HACD3: variants seen among roughly 807,000 people sequenced by gnomAD.
The protein encoded by HACD3 is 3-hydroxyacyl-CoA dehydratase 3.
A neutral mutation model predicts 55.2 loss-of-function variants in HACD3; 30 were observed. That is an observed-to-expected ratio of 0.54 (90% CI 0.41 to 0.74). HACD3 has a LOEUF of 0.74. Ranked by LOEUF, HACD3 falls within the 30% of genes least tolerant of loss-of-function variation. The pLI is 0.00. For synonymous variants in HACD3, 141 were observed against 151.7 expected (o/e 0.93, Z 0.52); for missense variants, 363 against 440.1 (o/e 0.82, Z 1.57).
At chr15:65,533,281 A>G (rs1339984239) in intron 1 of HACD3, among the ~76,000 whole-genome samples, 2 of 152,140 alleles carry the variant, frequency 1.3e-5, no homozygotes, top group African/African-American at 4.8e-5. Flanking sequence ...GGTGTTGGTG[A>G]TTAGGGGAGG....
chr15:65,569,333 T>C (rs1366243326), intron 7 of HACD3, among the ~76,000 whole-genome samples: 3 of 151,294 alleles, frequency 2.0e-5, no homozygotes, highest in South Asian at 2.1e-4. Context: ...ATGATACATA[T>C]AGAATGATTT....
chr15:65,537,924 C>A (rs2071971790), intron 1 of HACD3, among the ~76,000 whole-genome samples: 1 of 121,100 alleles, frequency 8.3e-6, no homozygotes, highest in African/African-American at 3.2e-5. Context: ...CTGTTGAGGC[C>A]AACTTCTCAG....
chr15:65,570,279 T>C (rs761882837), intron 8 of HACD3, 76 bp downstream of exon 8: 11 of 1,088,318 alleles, frequency 1.0e-5, no homozygotes, highest in Non-Finnish European at 1.5e-5. Context: ...GGAGTTGTTA[T>C]CTTAGCCAGA....
intron 1 of HACD3, among the ~76,000 whole-genome samples, chr15:65,542,162 G>C (rs1299558242): frequency 6.7e-6 from 1 of 148,900 alleles, no homozygotes; most frequent in Non-Finnish European, 1.5e-5. Context: ...CTGGGAGGCA[G>C]AGGTTGCAGT....
intron 7 of HACD3, among the ~76,000 whole-genome samples, chr15:65,567,531 A>C (rs532309859): frequency 1.3e-5 from 2 of 152,152 alleles, no homozygotes; most frequent in South Asian, 2.1e-4. Flanking sequence ...ATTTCCAATC[A>C]CAATCTAAAA....
At chr15:65,575,228 C>T (rs375661686) in intron 10 of HACD3, among the ~76,000 whole-genome samples, 1 of 149,518 alleles carries the variant, frequency 6.7e-6, no homozygotes, top group East Asian at 2.0e-4. Flanking sequence ...TGCTCTGTCA[C>T]CCAGGCTGGA....
chr15:65,573,523 G>A (rs762442764), intron 10 of HACD3, among the ~76,000 whole-genome samples: 3 of 151,532 alleles, frequency 2.0e-5, no homozygotes, highest in African/African-American at 7.3e-5. Context: ...CAGGAGAATC[G>A]CTTGAACCCA....
At position 65,578,281 on chromosome 15, in the gene HACD3, C is replaced by T. The variant is rs1047507997; in HGVS notation, c.*1902C>T. 1 of 152,172 alleles carries T rather than the reference C, an allele frequency of 6.6e-6. No homozygotes were observed. The highest frequency in any genetic ancestry group is 1.5e-5 in the Non-Finnish European group (1 of 68,020). The allele number at this position is 152,172 out of a possible 1,614,324, so 9.4% of individuals were successfully genotyped here. ...AATTCTGTATTCTTAGTGATTGTTA[C>T]AAACCCCTTTATTGCTGTCTGAGAA... is the stretch of plus-strand genomic sequence containing the variant. On this transcript the variant is annotated 3_prime_UTR_variant, in exon 11 of 11. Coordinates refer to ENST00000261875, the MANE Select transcript of HACD3 (RefSeq NM_016395.4).
chr15:65,562,959 C>T (rs1166761532), intron 6 of HACD3, 75 bp downstream of exon 6: 23 of 1,568,944 alleles, frequency 1.5e-5, no homozygotes, highest in Non-Finnish European at 1.9e-5. Context: ...GGAGCACTCT[C>T]TGCCTTTGAT....
intron 5 of HACD3, among the ~76,000 whole-genome samples, chr15:65,561,634 CAG>C (rs1320719547): frequency 6.6e-6 from 1 of 152,148 alleles, no homozygotes; most frequent in Non-Finnish European, 1.5e-5. Flanking sequence ...ACAATCAACA[CAG>C]AAGACTTCTG....
In HACD3 at chr15:65,569,108, C is replaced by T. The variant is rs184989057; in HGVS notation, c.661-983C>T. On this transcript the variant is annotated intron_variant, in intron 7 of 10. Coordinates refer to ENST00000261875, the MANE Select transcript of HACD3 (RefSeq NM_016395.4). ...TAAAAAATAGAAAAAATTAGCTGAGCGTGGTGGCGGGCGCCTGTAGTCCCA... is the reference window on the plus strand; with the variant it reads ...TAAAAAATAGAAAAAATTAGCTGAGTGTGGTGGCGGGCGCCTGTAGTCCCA... 6.2e-3 allele frequency among the ~76,000 whole-genome samples: 944 copies of T among 151,922 alleles called. 3 individuals carry two copies. Among genetic ancestry groups the T allele is most frequent in the Middle Eastern group, 0.034 (10 of 292 alleles).
intron 6 of HACD3, among the ~76,000 whole-genome samples, chr15:65,563,863 G>A (rs368095051): frequency 9.2e-5 from 14 of 152,140 alleles, no homozygotes; most frequent in African/African-American, 3.4e-4. Flanking sequence ...CCAGCTACTC[G>A]GGAGGCTGAG....
chr15:65,558,275 C>T (rs2072213606), intron 4 of HACD3, among the ~76,000 whole-genome samples: 1 of 152,160 alleles, frequency 6.6e-6, no homozygotes, highest in South Asian at 2.1e-4. Context: ...ATGTTGGAAA[C>T]ATGATCTTAG....
chr15:65,552,196 C>T (rs967955265), intron 2 of HACD3, among the ~76,000 whole-genome samples: 2 of 152,126 alleles, frequency 1.3e-5, no homozygotes, highest in African/African-American at 4.8e-5. Flanking sequence ...ATATTTGGCT[C>T]CACTGCAGCT....
intron 5 of HACD3, among the ~76,000 whole-genome samples, chr15:65,561,366 T>TGAG: frequency 6.6e-6 from 1 of 151,846 alleles, no homozygotes; most frequent in South Asian, 2.1e-4. Context: ...CTCGGGAGGC[T>TGAG]GAGGCAGGAG....
chr15:65,553,065 G>C (rs950475816), intron 2 of HACD3: 1 of 151,976 alleles, frequency 6.6e-6, no homozygotes, highest in Non-Finnish European at 1.5e-5. Flanking sequence ...GTGTATATGT[G>C]CCACATTTTC....
chr15:65,576,501 C>T lies in HACD3; in HGVS notation c.*122C>T. On this transcript the variant is annotated 3_prime_UTR_variant, in exon 11 of 11. Coordinates refer to ENST00000261875, the MANE Select transcript of HACD3 (RefSeq NM_016395.4). ...ATGATTAAATTCTCAGTGAGGCTAT[C>T]TTCCTTTTCCCCAGTAACATTCCTG... The T allele has an allele frequency of 9.7e-7, 1 of 1,030,464 alleles. No individual in the cohort carries two copies. Among genetic ancestry groups the T allele is most frequent in the Non-Finnish European group, 1.4e-6 (1 of 721,320 alleles). The allele number at this position is 1,030,464 out of a possible 1,614,324, so 63.8% of individuals were successfully genotyped here. A position where few individuals can be genotyped will look rare whatever the true frequency, so the allele number is the denominator to read the frequency against.
intron 7 of HACD3, chr15:65,565,411 C>G (rs2072281554): frequency 1.3e-5 from 2 of 152,298 alleles, no homozygotes; most frequent in Admixed American, 1.3e-4. Flanking sequence ...GGGCCCCATC[C>G]CTGCAGCAAA....
intron 1 of HACD3, among the ~76,000 whole-genome samples, chr15:65,538,016 A>G (rs1596203858): frequency 7.0e-6 from 1 of 142,392 alleles, no homozygotes; most frequent in Non-Finnish European, 1.5e-5. Flanking sequence ...TTCCTTTCAA[A>G]ATATTACTGC....
Sources: gnomAD v4.1 joint callset for allele counts (sites outside exome capture counted in the v4.1 genomes callset) on GRCh38, gnomAD v4.1.1 for gene constraint, MANE v1.5 for transcripts, NCBI Gene and HGNC (gene_info 2026-07-23, HGNC 2026-07-21) for gene names.